The following TTLL5 variants were observed in gnomAD, a reference collection of about 807,000 sequenced individuals.
The protein encoded by TTLL5 is tubulin polyglutamylase TTLL5.
In TTLL5, 132 loss-of-function variants were observed where a neutral mutation model predicts 168.4. The ratio of observed to expected loss-of-function variants is 0.78; its 90% CI spans 0.68 to 0.91. The LOEUF (loss-of-function observed/expected upper bound fraction) is 0.91. TTLL5 is among the 40% of genes least tolerant of loss of function. The pLI is 0.00. For synonymous variants in TTLL5, 546 were observed against 558.6 expected (o/e 0.98, Z 0.32); for missense variants, 1,545 against 1,581.5 (o/e 0.98, Z 0.39).
Position 75,714,800 on chromosome 14 carries a change from G to A in TTLL5, c.741-3061G>A, listed in dbSNP as rs567710207. Among the ~76,000 whole-genome samples the A allele has an allele frequency of 5.9e-5, 9 of 152,254 alleles. No individual in the cohort carries two copies. The South Asian group carries it at 1.9e-3, about 32-fold the overall frequency. On this transcript the variant is annotated intron_variant, in intron 9 of 31. Transcript: ENST00000298832. ...GGAGCACTGGTTGCTTTTTCTTGGA[G>A]TATAATATTTAGAAATCAATATCTG... is the stretch of plus-strand genomic sequence containing the variant.
chr14:75,831,103 A>G (rs997396970), intron 28 of TTLL5, among the ~76,000 whole-genome samples: 3 of 152,228 alleles, frequency 2.0e-5, no homozygotes, highest in East Asian at 1.9e-4. Context: ...CATGACTACC[A>G]TATTGGACAG....
At chr14:75,719,669 A>G (rs1007750273) in intron 10 of TTLL5, 66 bp from the exon 11 acceptor site, 2 of 1,372,736 alleles carry the variant, frequency 1.5e-6, no homozygotes, top group Admixed American at 5.1e-5. Flanking sequence ...GGCTATTTGC[A>G]AAGAGTCTTG....
chr14:75,762,417 G>A (rs1321581979), intron 18 of TTLL5, among the ~76,000 whole-genome samples: 2 of 151,974 alleles, frequency 1.3e-5, no homozygotes, highest in Non-Finnish European at 2.9e-5. Context: ...TAAATAAATA[G>A]TTGGAAAAAG....
intron 23 of TTLL5, among the ~76,000 whole-genome samples, chr14:75,778,951 C>T (rs1891887191): frequency 6.6e-6 from 1 of 152,056 alleles, no homozygotes; most frequent in Admixed American, 6.5e-5. Flanking sequence ...CTGACATAGG[C>T]AATGAAAATG....
At chr14:75,806,068 G>A (rs553492213) in intron 27 of TTLL5, among the ~76,000 whole-genome samples, 8 of 143,948 alleles carry the variant, frequency 5.6e-5, no homozygotes, top group African/African-American at 2.1e-4. Context: ...TCACTCTGTT[G>A]CTCAGACTGG....
Position 75,690,339 on chromosome 14 carries a change from G to A in TTLL5, c.502+17G>A. On this transcript the variant is annotated intron_variant, in intron 6 of 31. Coordinates refer to ENST00000298832, the MANE Select transcript of TTLL5 (RefSeq NM_015072.5). ...AATTTTGTAGTAAGTGCTTGACAGA[G>A]AATGCCCCAGTCCCCAGCAACTGAA... 6.3e-7 allele frequency: 1 copy of A among 1,590,448 alleles called. No homozygotes were observed. The highest frequency in any genetic ancestry group is 1.2e-5 in the South Asian group (1 of 86,712).
intron 31 of TTLL5, among the ~76,000 whole-genome samples, chr14:75,907,816 A>C (rs968848844): frequency 2.0e-5 from 3 of 152,268 alleles, no homozygotes; most frequent in Admixed American, 2.0e-4. Context: ...AAAATATAGA[A>C]GACTAAAGCA....
At chr14:75,762,860 A>T (rs1890736742) in intron 18 of TTLL5, among the ~76,000 whole-genome samples, 1 of 152,204 alleles carries the variant, frequency 6.6e-6, no homozygotes, top group African/African-American at 2.4e-5. Flanking sequence ...TAGACGGTAT[A>T]ATGTAGACAA....
intron 26 of TTLL5, among the ~76,000 whole-genome samples, chr14:75,784,226 A>T (rs12878984): frequency 0.64 from 96,602 of 152,120 alleles, 33,413 homozygotes; most frequent in Admixed American, 0.76. Flanking sequence ...CCACTGATCT[A>T]CTTCTCTGTT....
intron 31 of TTLL5, among the ~76,000 whole-genome samples, chr14:75,913,859 C>G (rs748001688): frequency 6.6e-6 from 1 of 150,764 alleles, no homozygotes; most frequent in Non-Finnish European, 1.5e-5. Flanking sequence ...ATTAAAAATA[C>G]AAAAATTAGC....
At chr14:75,823,658 TTGTC>T (rs1894959019) in intron 28 of TTLL5, among the ~76,000 whole-genome samples, 1 of 152,200 alleles carries the variant, frequency 6.6e-6, no homozygotes, top group Admixed American at 6.5e-5. Context: ...TCCTGGGCAT[TTGTC>T]TGTTCCTCGA....
intron 18 of TTLL5, among the ~76,000 whole-genome samples, chr14:75,755,654 C>A (rs1471053587): frequency 6.6e-6 from 1 of 152,032 alleles, no homozygotes; most frequent in Admixed American, 6.6e-5. Flanking sequence ...GTATCAAGAA[C>A]CTACCACATG....
At chr14:75,744,978 A>C in intron 15 of TTLL5, 117 bp from the exon 16 acceptor site, 1 of 833,358 alleles carries the variant, frequency 1.2e-6, no homozygotes, top group South Asian at 1.9e-5. Context: ...GTGGGCTATG[A>C]ATTTGAGCTT....
intron 28 of TTLL5, among the ~76,000 whole-genome samples, chr14:75,844,168 G>T (rs1187001428): frequency 6.6e-6 from 1 of 151,998 alleles, no homozygotes. Context: ...GACGTGAGCC[G>T]CCTGGCCTGG....
intron 28 of TTLL5, among the ~76,000 whole-genome samples, chr14:75,852,083 G>A (rs1896885735): frequency 6.6e-6 from 1 of 152,216 alleles, no homozygotes. Context: ...TCACAGCTGA[G>A]GAAACCAAGG....
intron 31 of TTLL5, among the ~76,000 whole-genome samples, chr14:75,905,031 C>T (rs75466768): frequency 1.3e-5 from 2 of 152,288 alleles, no homozygotes; most frequent in African/African-American, 4.8e-5. Context: ...AGATTTAAAG[C>T]AGTTCTATCC....
At chr14:75,947,943 A>C (rs1263354952) in intron 31 of TTLL5, among the ~76,000 whole-genome samples, 1 of 151,384 alleles carries the variant, frequency 6.6e-6, no homozygotes, top group African/African-American at 2.4e-5. Flanking sequence ...CTGTCTCAAA[A>C]AAAAAAAAAA....
intron 31 of TTLL5, among the ~76,000 whole-genome samples, chr14:75,949,094 C>A (rs539320996): frequency 6.6e-6 from 1 of 152,096 alleles, no homozygotes; most frequent in Non-Finnish European, 1.5e-5. Flanking sequence ...TGTCATTATT[C>A]TCAGATAACA....
intron 30 of TTLL5, chr14:75,886,841 A>G (rs575511318): frequency 6.5e-7 from 1 of 1,540,070 alleles, no homozygotes; most frequent in African/African-American, 1.4e-5. Context: ...CCAGAATCAT[A>G]CTCTCCAGGA....
Sources: gnomAD v4.1 joint callset for allele counts (sites outside exome capture counted in the v4.1 genomes callset) on GRCh38, gnomAD v4.1.1 for gene constraint, MANE v1.5 for transcripts, NCBI Gene and HGNC (gene_info 2026-07-23, HGNC 2026-07-21) for gene names.